Variants in MFSD6 observed in about 807,000 individuals in gnomAD.
The protein encoded by MFSD6 is major facilitator superfamily domain containing 6.
MFSD6 carries 26 observed loss-of-function variants against 56.3 expected under a neutral mutation model. The observed-to-expected ratio is 0.46, with a 90% confidence interval of 0.34 to 0.64. The LOEUF is 0.64. MFSD6 is among the 30% of genes least tolerant of loss of function. MFSD6 has a pLI of 0.01. For missense variants in MFSD6, 750 were observed against 986.2 expected (o/e 0.76, Z 3.21); for synonymous variants, 331 against 366.9 (o/e 0.90, Z 1.12).
rs758976051 is a variant in MFSD6 at position 190,437,392 on chromosome 2, T to C, written c.1363T>C (p.Trp455Arg). The change falls in exon 3 of 8, where the codon TGG becomes CGG. Residue 455 changes from tryptophan to arginine, a missense_variant. Around this residue, in one of 5 missense-constraint regions of MFSD6, gnomAD observed 125 missense variants for 223.1 expected, o/e 0.56. Transcript: ENST00000392328. The surrounding 1 kb of genome is among the most constrained non-coding windows in gnomAD (Gnocchi z 5.9). ...GTATGGCTCAGTGCTGTTTGTGGCTTGGTTCATGGGTTTTGGATATGGCTT... is the reference window on the plus strand; with the variant it reads ...GTATGGCTCAGTGCTGTTTGTGGCTCGGTTCATGGGTTTTGGATATGGCTT... ...VQYGSVLFVAWFMGFGYGFVF... is the reference protein window; with the variant it reads ...VQYGSVLFVARFMGFGYGFVF... The C allele has an allele frequency of 5.6e-6, 9 of 1,614,226 alleles. No homozygotes were observed. The highest frequency in any genetic ancestry group is 7.6e-6 in the Non-Finnish European group (9 of 1,180,046).
chr2:190,445,704 G>A (rs62181002), intron 3 of MFSD6, among the ~76,000 whole-genome samples: 34,958 of 151,914 alleles, frequency 0.23, 4,955 homozygotes, highest in South Asian at 0.33. Flanking sequence ...CTGGTACCTT[G>A]GTTTAAAAAT....
At position 190,500,113 on chromosome 2, in the gene MFSD6, C is replaced by A; in HGVS notation, c.2271C>A (p.Asp757Glu). The A allele has an allele frequency of 1.2e-6, 2 of 1,614,200 alleles. No homozygotes were observed. Among genetic ancestry groups the A allele is most frequent in the Non-Finnish European group, 1.7e-6 (2 of 1,180,038 alleles). ...CATCTAGAAACCAGCCATCCCCTGACGCAGCAGCATCTCAGACGCAGACCA... is the reference window on the plus strand; with the variant it reads ...CATCTAGAAACCAGCCATCCCCTGAAGCAGCAGCATCTCAGACGCAGACCA... The part of the protein sequence containing the change: ...SDPSRNQPSP[D>E]AAASQTQTSP... The change falls in exon 8 of 8, where the codon GAC becomes GAA. Residue 757 changes from aspartate (D) to glutamate (E), a missense_variant. By Grantham distance (45) the Asp-to-Glu change is conservative. This residue lies in a region of MFSD6 where 172 missense variants were observed against 203.9 expected (regional missense o/e 0.84). Transcript: ENST00000392328. The surrounding 1 kb of genome is among the most constrained non-coding windows in gnomAD (Gnocchi z 5.3).
In MFSD6 at chr2:190,471,841, AGT is replaced by A. The variant is rs1687955228; in HGVS notation, c.1630+1987_1630+1988del. Among the ~76,000 whole-genome samples, 4 of 152,192 alleles carry A rather than the reference AGT, an allele frequency of 2.6e-5. No homozygotes were observed. The highest frequency in any genetic ancestry group is 2.1e-4 in the South Asian group (1 of 4,836). ...GTAGCCTAACTGGGAGGCACCCCCC[AGT>A]AGGGGCAGACTGATAACTCATACGG... On this transcript the variant is annotated intron_variant, in intron 4 of 7. Transcript: ENST00000392328. This position sits in a 1 kb window ranked among gnomAD's most constrained non-coding sequence, Gnocchi z 4.7.
Position 190,436,996 on chromosome 2 carries a change from C to G in MFSD6, c.967C>G (p.Arg323Gly). 1 of 1,614,224 alleles carries G rather than the reference C, an allele frequency of 6.2e-7. No homozygotes were observed. Among genetic ancestry groups the G allele is most frequent in the Non-Finnish European group, 8.5e-7 (1 of 1,180,042 alleles). The change falls in exon 3 of 8, where the codon CGC becomes GGC. Residue 323 changes from arginine to glycine, a missense_variant. Transcript: ENST00000392328. This position sits in a 1 kb window ranked among gnomAD's most constrained non-coding sequence, Gnocchi z 5.3. ...TLQYLGKHRD[R>G]YGLQRMWGSL... ...CCAGTATCTGGGAAAACACAGAGAT[C>G]GCTATGGGTTGCAGCGCATGTGGGG...
chr2:190,421,931 C>T (rs1244949976), intron 2 of MFSD6, among the ~76,000 whole-genome samples: 1 of 151,822 alleles, frequency 6.6e-6, no homozygotes, highest in African/African-American at 2.4e-5. Context: ...TAGAAGAAAC[C>T]AAGTTAACTC....
chr2:190,471,319 G>A lies in MFSD6; in HGVS notation c.1630+1464G>A, dbSNP rs1329502089. ...TCACCTCACCCAGGAAGCACAAGGG[G>A]TCAGGGAATTCCCTTTCCTAGCCGA... On this transcript the variant is annotated intron_variant, in intron 4 of 7. Transcript: ENST00000392328. This position sits in a 1 kb window ranked among gnomAD's most constrained non-coding sequence, Gnocchi z 4.7. Among the ~76,000 whole-genome samples the A allele has an allele frequency of 6.6e-6, 1 of 152,212 alleles. No individual in the cohort carries two copies. Among genetic ancestry groups the A allele is most frequent in the Non-Finnish European group, 1.5e-5 (1 of 68,044 alleles).
chr2:190,441,094 C>G (rs564423566), intron 3 of MFSD6, among the ~76,000 whole-genome samples: 2 of 152,220 alleles, frequency 1.3e-5, no homozygotes, highest in African/African-American at 4.8e-5. Flanking sequence ...ATCATGCCTA[C>G]TTTTTTTTCT....
intron 2 of MFSD6, among the ~76,000 whole-genome samples, chr2:190,421,757 C>T (rs1281915792): frequency 6.6e-6 from 1 of 152,034 alleles, no homozygotes; most frequent in African/African-American, 2.4e-5. Context: ...GATGGGATCT[C>T]ACTATGTTGC....
rs903747493 is a variant in MFSD6, at chr2:190,426,458, T to C, written c.-53-9519T>C. Among the ~76,000 whole-genome samples the C allele has an allele frequency of 6.6e-6, 1 of 152,234 alleles. No individual in the cohort carries two copies. The highest frequency in any genetic ancestry group is 2.4e-5 in the African/African-American group (1 of 41,456). On this transcript the variant is annotated intron_variant, in intron 2 of 7. Transcript: ENST00000392328. The surrounding 1 kb of genome is among the most constrained non-coding windows in gnomAD (Gnocchi z 4.7). Reference sequence around the variant, plus strand: ...TTTCAAGCATGTTTATAATTGCCTATCTAAGCATTTTTAGGATGGCTTTTT... The same window carrying C: ...TTTCAAGCATGTTTATAATTGCCTACCTAAGCATTTTTAGGATGGCTTTTT...
At chr2:190,481,722 G>A (rs1688678234) in intron 4 of MFSD6, among the ~76,000 whole-genome samples, 3 of 152,216 alleles carry the variant, frequency 2.0e-5, no homozygotes, top group Non-Finnish European at 4.4e-5. Context: ...AATGCATGAA[G>A]GGGATTCTTG....
At chr2:190,468,613 T>A (rs1687733207) in intron 3 of MFSD6, among the ~76,000 whole-genome samples, 1 of 127,568 alleles carries the variant, frequency 7.8e-6, no homozygotes, top group Non-Finnish European at 1.6e-5. Context: ...CCACCAAGCC[T>A]GGCTAATTTT....
intron 3 of MFSD6, among the ~76,000 whole-genome samples, chr2:190,453,012 G>T (rs1485286056): frequency 2.0e-5 from 3 of 152,144 alleles, no homozygotes; most frequent in Non-Finnish European, 2.9e-5. Flanking sequence ...TAGGGTTGCA[G>T]TGTTGAATAT....
In MFSD6 at chr2:190,463,544, G is replaced by C. The variant is rs1301837805; in HGVS notation, c.1533-6214G>C. 1.3e-5 allele frequency among the ~76,000 whole-genome samples: 2 copies of C among 152,244 alleles called. No homozygotes were observed. The highest frequency in any genetic ancestry group is 2.4e-5 in the African/African-American group (1 of 41,472). On this transcript the variant is annotated intron_variant, in intron 3 of 7. Coordinates refer to ENST00000392328, the MANE Select transcript of MFSD6 (RefSeq NM_017694.4). The surrounding 1 kb of genome is among the most constrained non-coding windows in gnomAD (Gnocchi z 4.4). ...ACCATAAAAGGATAATCTGGGGCCA[G>C]GTGGATGGCTCATGCCTATAATCCC...
intron 2 of MFSD6, among the ~76,000 whole-genome samples, chr2:190,419,903 C>A (rs867912234): frequency 6.6e-6 from 1 of 152,112 alleles, no homozygotes; most frequent in Non-Finnish European, 1.5e-5. Context: ...TAGACTGTGC[C>A]AGGTGAGAAG....
Position 190,490,245 on chromosome 2 carries a change from T to C in MFSD6, c.1891+379T>C, listed in dbSNP as rs191595257. 1.3e-5 allele frequency among the ~76,000 whole-genome samples: 2 copies of C among 150,244 alleles called. No individual in the cohort carries two copies. The highest frequency in any genetic ancestry group is 1.9e-4 in the East Asian group (1 of 5,146). ...AGGGAGTGAGTGGTAATCTTCTCTA[T>C]GACTTACCTTCATTTGTTAAAAAAA... On this transcript the variant is annotated intron_variant, in intron 6 of 7. Coordinates refer to ENST00000392328, the MANE Select transcript of MFSD6 (RefSeq NM_017694.4). The surrounding 1 kb of genome is among the most constrained non-coding windows in gnomAD (Gnocchi z 4.5).
Position 190,436,851 on chromosome 2 carries a change from A to C in MFSD6, c.822A>C (p.Gln274His), listed in dbSNP as rs771491282. 80 of 1,614,092 alleles carry C rather than the reference A, an allele frequency of 5.0e-5. No homozygotes were observed. The highest frequency in any genetic ancestry group is 6.7e-5 in the Non-Finnish European group (79 of 1,180,046). ...VTTTKSLPSD[Q>H]VMLVYDQQEV... is the part of the protein sequence containing the mutation. The stretch of plus-strand genomic sequence containing the variant: ...CCACCAAATCTTTACCTTCTGACCA[A>C]GTCATGCTTGTTTATGATCAACAAG... Residue 274 changes from glutamine to histidine, a missense_variant, in exon 3 of 8, where the codon CAA (glutamine) becomes CAC (histidine). Gln to His is a conservative substitution (Grantham distance 24). Around this residue, in one of 5 missense-constraint regions of MFSD6, gnomAD observed 376 missense variants for 437.9 expected, o/e 0.86. Coordinates refer to ENST00000392328, the MANE Select transcript of MFSD6 (RefSeq NM_017694.4). The surrounding 1 kb of genome is among the most constrained non-coding windows in gnomAD (Gnocchi z 5.3).
chr2:190,411,507 T>G, intron 1 of MFSD6: 1 of 985,408 alleles, frequency 1.0e-6, no homozygotes, highest in South Asian at 4.7e-5. Context: ...AAGAGGATGT[T>G]TTTGCTTTTT....
chr2:190,436,809 C>T lies in MFSD6; in HGVS notation c.780C>T (p.Thr260=), dbSNP rs749239809. The change falls in exon 3 of 8, where the codon ACC becomes ACT. Residue 260 remains threonine (T), a synonymous_variant. Transcript: ENST00000392328. The surrounding 1 kb of genome is among the most constrained non-coding windows in gnomAD (Gnocchi z 5.3). The part of the protein sequence containing the change: ...VSPGSVTKET[T]TVIVTTTKSL... Reference sequence around the variant, plus strand: ...CAGGAAGCGTAACCAAGGAGACAACCACTGTTATTGTTACCACCACCAAAT... The same window carrying T: ...CAGGAAGCGTAACCAAGGAGACAACTACTGTTATTGTTACCACCACCAAAT... 6.2e-7 allele frequency: 1 copy of T among 1,614,210 alleles called. No homozygotes were observed. Among genetic ancestry groups the T allele is most frequent in the South Asian group, 1.1e-5 (1 of 91,080 alleles).
chr2:190,407,881 T>C (rs942978325), upstream of MFSD6, among the ~76,000 whole-genome samples: 1 of 152,166 alleles, frequency 6.6e-6, no homozygotes, highest in Non-Finnish European at 1.5e-5. This position sits in a 1 kb window ranked among gnomAD's most constrained non-coding sequence, Gnocchi z 5.4. Flanking sequence ...TAAAAGGCGC[T>C]CAAGGAATAA....
Sources: allele counts gnomAD v4.1 joint callset (sites outside exome capture counted in the v4.1 genomes callset), GRCh38; gene constraint gnomAD v4.1.1; regional missense constraint gnomAD v4.1.1; non-coding constraint Gnocchi (gnomAD v3.1); transcripts MANE v1.5; gene names NCBI Gene and HGNC (gene_info 2026-07-23, HGNC 2026-07-21).